Variants in ADAM12 observed in about 807,000 individuals in gnomAD.
ADAM12 encodes disintegrin and metalloproteinase domain-containing protein 12.
Under a neutral mutation model 106.4 loss-of-function variants are expected in ADAM12, and 70 were observed. The ratio of observed to expected loss-of-function variants is 0.66; its 90% CI spans 0.54 to 0.80. The LOEUF (loss-of-function observed/expected upper bound fraction) is 0.80. Among genes scored for constraint, ADAM12 ranks in the 30% least tolerant of loss-of-function variants. The pLI is 0.00. For synonymous variants in ADAM12, 420 were observed against 433.5 expected (o/e 0.97, Z 0.39); for missense variants, 1,010 against 1,171.9 (o/e 0.86, Z 2.02).
chr10:126,272,508 ATAAT>A (rs1173326154), intron 3 of ADAM12, among the ~76,000 whole-genome samples: 5 of 152,248 alleles, frequency 3.3e-5, no homozygotes, highest in African/African-American at 1.2e-4. Flanking sequence ...TTTAGTAAAG[ATAAT>A]TATTAATAAG....
chr10:126,124,151 A>G (rs1156592856), intron 5 of ADAM12, among the ~76,000 whole-genome samples: 1 of 152,182 alleles, frequency 6.6e-6, no homozygotes, highest in African/African-American at 2.4e-5. Context: ...CTGTAATAAG[A>G]TGATGATTAG....
chr10:126,273,511 G>A (rs1316443889), intron 3 of ADAM12: 1 of 152,068 alleles, frequency 6.6e-6, no homozygotes, highest in African/African-American at 2.4e-5. Flanking sequence ...TGCAAGAGAA[G>A]AAGTAAAAGG....
In ADAM12 at chr10:126,320,560, G is replaced by A. The variant is rs555006087; in HGVS notation, c.186+9852C>T. Among the ~76,000 whole-genome samples the A allele has an allele frequency of 3.3e-4, 50 of 152,182 alleles. 1 individual carries two copies. Among genetic ancestry groups the A allele is most frequent in the South Asian group, 2.1e-3 (10 of 4,798 alleles). On this transcript the variant is annotated intron_variant, in intron 2 of 22. Coordinates refer to ENST00000448723, the MANE Select transcript of ADAM12 (RefSeq NM_001288973.2). ...ACTTATTGAGTGATTATTAAGGAAC[G>A]GTCCTCACTGGTTATATGTTGCAAC...
At chr10:126,019,980 C>G (rs986521242) in intron 21 of ADAM12, among the ~76,000 whole-genome samples, 155 bp from the exon 22 acceptor site, 1 of 152,090 alleles carries the variant, frequency 6.6e-6, no homozygotes, top group Non-Finnish European at 1.5e-5. Flanking sequence ...AATCTTCTTG[C>G]CAAAATTTTC....
intron 2 of ADAM12, among the ~76,000 whole-genome samples, chr10:126,328,412 A>G (rs1172203735): frequency 1.3e-5 from 2 of 152,218 alleles, no homozygotes; most frequent in East Asian, 3.9e-4. Context: ...GTTCAAAATG[A>G]AAATCTTGAC....
At chr10:126,115,962 A>G (rs1278387) in intron 6 of ADAM12, among the ~76,000 whole-genome samples, 43,321 of 152,206 alleles carry the variant, frequency 0.28, 7,194 homozygotes, top group Non-Finnish European at 0.39. Context: ...AAACCATCAC[A>G]GTGCTTTCTA....
intron 2 of ADAM12, among the ~76,000 whole-genome samples, chr10:126,316,838 T>C (rs1039448414): frequency 7.3e-6 from 1 of 136,818 alleles, no homozygotes; most frequent in Non-Finnish European, 1.6e-5. Context: ...ATAGCTAAAA[T>C]AGCATTTTCC....
At chr10:126,367,326 GA>G (rs557277534) in intron 1 of ADAM12, among the ~76,000 whole-genome samples, 1 of 151,740 alleles carries the variant, frequency 6.6e-6, no homozygotes, top group East Asian at 1.9e-4. Context: ...ACGAGTCATA[GA>G]AAAAAATTAT....
intron 6 of ADAM12, among the ~76,000 whole-genome samples, chr10:126,111,800 G>T (rs902949731): frequency 3.9e-5 from 6 of 152,182 alleles, no homozygotes; most frequent in African/African-American, 1.4e-4. Flanking sequence ...AGAAGCACTG[G>T]GGGAGTCGCC....
At chr10:126,299,425 A>G (rs1321297476) in intron 2 of ADAM12, among the ~76,000 whole-genome samples, 4 of 152,110 alleles carry the variant, frequency 2.6e-5, no homozygotes, top group Admixed American at 2.6e-4. Flanking sequence ...AGATGAAGAC[A>G]CTCATTTTAT....
At chr10:126,112,805 G>A (rs1955895302) in intron 6 of ADAM12, among the ~76,000 whole-genome samples, 1 of 150,280 alleles carries the variant, frequency 6.7e-6, no homozygotes, top group Non-Finnish European at 1.5e-5. Context: ...AGTGTGGACA[G>A]GAAACTCATA....
In ADAM12 at chr10:126,235,649, G is replaced by A. The variant is rs554743039; in HGVS notation, c.260+43266C>T. 4.6e-5 allele frequency among the ~76,000 whole-genome samples: 7 copies of A among 152,288 alleles called. No homozygotes were observed. The East Asian group carries it at 7.7e-4, about 17-fold the overall frequency. ...CACTCAGAAGATGCCACCAGGATGCGTGTCTCCTTCTCCAGCCTCCTCATC... is the reference window on the plus strand; with the variant it reads ...CACTCAGAAGATGCCACCAGGATGCATGTCTCCTTCTCCAGCCTCCTCATC... On this transcript the variant is annotated intron_variant, in intron 3 of 22. Coordinates refer to ENST00000448723, the MANE Select transcript of ADAM12 (RefSeq NM_001288973.2).
At chr10:126,045,599 A>G (rs1410135438) in intron 17 of ADAM12, among the ~76,000 whole-genome samples, 1 of 152,236 alleles carries the variant, frequency 6.6e-6, no homozygotes, top group Non-Finnish European at 1.5e-5. Flanking sequence ...CTGAACTAAA[A>G]TAACAGCCTT....
chr10:126,129,623 G>A (rs1288210513), intron 5 of ADAM12, among the ~76,000 whole-genome samples: 1 of 152,214 alleles, frequency 6.6e-6, no homozygotes, highest in East Asian at 1.9e-4. Flanking sequence ...AAAAGGGGGA[G>A]GAGAATCACA....
intron 11 of ADAM12, among the ~76,000 whole-genome samples, chr10:126,079,881 T>C (rs1233879211): frequency 6.6e-6 from 1 of 152,180 alleles, no homozygotes; most frequent in East Asian, 1.9e-4. Context: ...GTGCGATCGT[T>C]GATAAGACTG....
chr10:126,026,155 C>T (rs1953868854), intron 21 of ADAM12, among the ~76,000 whole-genome samples: 1 of 152,126 alleles, frequency 6.6e-6, no homozygotes, highest in East Asian at 1.9e-4. Flanking sequence ...GAAAATTTAC[C>T]AGGCAAATGG....
At chr10:126,045,985 T>C (rs967776039) in intron 17 of ADAM12, 70 bp downstream of exon 17, 1 of 1,410,588 alleles carries the variant, frequency 7.1e-7, no homozygotes, top group South Asian at 1.2e-5. Flanking sequence ...TGCAAAACCT[T>C]TTACAAATGA....
chr10:126,188,341 C>T (rs567147053), intron 3 of ADAM12, among the ~76,000 whole-genome samples: 3 of 152,284 alleles, frequency 2.0e-5, no homozygotes, highest in Admixed American at 6.5e-5. Flanking sequence ...TTGGCCACAT[C>T]ACTGTTGAAA....
At chr10:126,320,408 G>C (rs1854053643) in intron 2 of ADAM12, among the ~76,000 whole-genome samples, 2 of 152,064 alleles carry the variant, frequency 1.3e-5, no homozygotes, top group Admixed American at 1.3e-4. Context: ...TTATATACGT[G>C]GTTGCAGGCA....
Sources: gnomAD v4.1 joint callset for allele counts (sites outside exome capture counted in the v4.1 genomes callset) on GRCh38, gnomAD v4.1.1 for gene constraint, MANE v1.5 for transcripts, NCBI Gene and HGNC (gene_info 2026-07-23, HGNC 2026-07-21) for gene names.